INPP1: variants seen among roughly 807,000 people sequenced by gnomAD.
The protein encoded by INPP1 is inositol polyphosphate-1-phosphatase, also known as inositol polyphosphate 1-phosphatase.
INPP1 carries 18 observed loss-of-function variants against 23.0 expected under a neutral mutation model. The ratio of observed to expected loss-of-function variants is 0.78; its 90% CI spans 0.54 to 1.16. The LOEUF is 1.16. Among genes scored for constraint, INPP1 ranks in the 50% most tolerant of loss-of-function variants. The pLI, the probability that INPP1 is intolerant of heterozygous loss-of-function variation, is 0.00. For synonymous variants in INPP1, 164 were observed against 176.3 expected, an observed-to-expected ratio of 0.93 and a Z score of 0.55; for missense variants, 448 against 482.1, an observed-to-expected ratio of 0.93 and a Z score of 0.66.
Position 190,368,526 on chromosome 2 carries a change from G to C in INPP1, c.467-577G>C, listed in dbSNP as rs2006980. ...AATAGGTGTATATATTTATGGGGTA[G>C]ATGAGATGTTTTGACACAGGCACAC... On this transcript the variant is annotated intron_variant, in intron 5 of 6. Coordinates refer to ENST00000392329, the MANE Select transcript of INPP1 (RefSeq NM_001128928.2). The surrounding 1 kb of genome is among the most constrained non-coding windows in gnomAD (Gnocchi z 4.3). 97,401 of 151,992 alleles carry C rather than the reference G, an allele frequency of 0.64. 31,953 individuals carry two copies. Among genetic ancestry groups the C allele is most frequent in the East Asian group, 0.76 (3,938 of 5,184 alleles). 9.4% of individuals were successfully genotyped at this position (151,992 alleles called of 1,614,324 possible).
rs1485187466 is a variant in INPP1 at position 190,366,806 on chromosome 2, A to G, written c.377A>G (p.His126Arg). ...VASEALARVVHQDVAFTDPTL... is the reference protein window; with the variant it reads ...VASEALARVVRQDVAFTDPTL... ...TCTGAAGCATTAGCCAGGGTTGTTC[A>G]TCAGGATGTTGCCTTTACTGACCCA... is the stretch of plus-strand genomic sequence containing the variant. The change falls in exon 5 of 7, where the codon CAT becomes CGT. Residue 126 changes from histidine to arginine, a missense_variant. Transcript: ENST00000392329. 1 of 1,613,750 alleles carries G rather than the reference A, an allele frequency of 6.2e-7. No individual in the cohort carries two copies. The highest frequency in any genetic ancestry group is 1.6e-4 in the Middle Eastern group (1 of 6,084).
In INPP1 at chr2:190,345,999, A is replaced by C. The variant is rs900432341; in HGVS notation, c.-209+2038A>C. ...ACAAAGCAAGACTTCATCTCAAAAA[A>C]TAAAAATTAAGTTAAAATTAAAAAA... is the stretch of plus-strand genomic sequence containing the variant. On this transcript the variant is annotated intron_variant, in intron 1 of 6. Transcript: ENST00000392329. This position sits in a 1 kb window ranked among gnomAD's most constrained non-coding sequence, Gnocchi z 4.9. Among the ~76,000 whole-genome samples, 1 of 152,232 alleles carries C rather than the reference A, an allele frequency of 6.6e-6. No individual in the cohort carries two copies. The highest frequency in any genetic ancestry group is 1.5e-5 in the Non-Finnish European group (1 of 68,040).
Position 190,371,324 on chromosome 2 carries a change from A to T in INPP1, c.1122A>T (p.Ala374=). The T allele has an allele frequency of 6.3e-7, 1 of 1,588,832 alleles. No homozygotes were observed. Residue 374 remains alanine (A), a synonymous_variant, in exon 7 of 7, where the codon GCA becomes GCT. Coordinates refer to ENST00000392329, the MANE Select transcript of INPP1 (RefSeq NM_001128928.2). This position sits in a 1 kb window ranked among gnomAD's most constrained non-coding sequence, Gnocchi z 5.3. ...DRWANKGGLI[A]YRSRKRLETF... ...GGGCCAACAAGGGAGGACTCATTGCATACAGATCCAGGAAGCGGCTGGAGA... is the reference window on the plus strand; with the variant it reads ...GGGCCAACAAGGGAGGACTCATTGCTTACAGATCCAGGAAGCGGCTGGAGA...
chr2:190,371,057 T>G lies in INPP1; in HGVS notation c.855T>G (p.Phe285Leu), dbSNP rs754821915. 1 of 1,614,080 alleles carries G rather than the reference T, an allele frequency of 6.2e-7. No homozygotes were observed. Among genetic ancestry groups the G allele is most frequent in the Non-Finnish European group, 8.5e-7 (1 of 1,180,004 alleles). Residue 285 changes from phenylalanine to leucine, a missense_variant, in exon 7 of 7, where the codon TTT becomes TTG. Physicochemically the swap from Phe to Leu is conservative, Grantham distance 22. Transcript: ENST00000392329. This position sits in a 1 kb window ranked among gnomAD's most constrained non-coding sequence, Gnocchi z 5.3. The stretch of plus-strand genomic sequence containing the variant: ...CACGTGTGTGTGGAGATCGCATATT[T>G]GGGGCAGCTGGGGCTGGTTATAAGA... ...ALSRVCGDRI[F>L]GAAGAGYKSL... is the part of the protein sequence containing the mutation.
At chr2:190,370,201 A>G (rs1304535694) in intron 6 of INPP1, among the ~76,000 whole-genome samples, 1 of 152,246 alleles carries the variant, frequency 6.6e-6, no homozygotes. Flanking sequence ...GTGGGTTTGA[A>G]TGCAGATTCT....
At chr2:190,359,693 T>C (rs1373802552) in intron 2 of INPP1, 1 of 215,540 alleles carries the variant, frequency 4.6e-6, no homozygotes, top group Non-Finnish European at 9.5e-6. Context: ...ATATGATCAT[T>C]CTAAGGTCAT....
chr2:190,369,296 T>C lies in INPP1; in HGVS notation c.641+19T>C, dbSNP rs767710798. The C allele has an allele frequency of 4.7e-6, 7 of 1,482,400 alleles. No individual in the cohort carries two copies. In the Admixed American group the frequency reaches 1.3e-4, roughly 27 times the overall value. 91.8% of individuals were successfully genotyped at this position (1,482,400 alleles called of 1,614,324 possible). On this transcript the variant is annotated intron_variant, in intron 6 of 6. Transcript: ENST00000392329. ...CCCTCAGGTAAAAGGCAAATATTTT[T>C]GGTATATTATGGTTGTTAGAACTTA...
In INPP1 at chr2:190,346,296, A is replaced by G. The variant is rs967818151; in HGVS notation, c.-209+2335A>G. Among the ~76,000 whole-genome samples the G allele has an allele frequency of 1.2e-4, 18 of 152,326 alleles. No individual in the cohort carries two copies. Among genetic ancestry groups the G allele is most frequent in the African/African-American group, 4.1e-4 (17 of 41,584 alleles). ...TGGGAAATGCAGGTGGGAAATGACT[A>G]TTGTTGGAATGAATAGTTGATAAAA... On this transcript the variant is annotated intron_variant, in intron 1 of 6. Transcript: ENST00000392329. This position sits in a 1 kb window ranked among gnomAD's most constrained non-coding sequence, Gnocchi z 5.1.
chr2:190,352,006 T>C lies in INPP1; in HGVS notation c.-65+2975T>C, dbSNP rs1318110202. Among the ~76,000 whole-genome samples, 1 of 152,226 alleles carries C rather than the reference T, an allele frequency of 6.6e-6. No homozygotes were observed. The highest frequency in any genetic ancestry group is 1.5e-5 in the Non-Finnish European group (1 of 68,032). The stretch of plus-strand genomic sequence containing the variant: ...TATTTTAGCTATTCCATTGGATACA[T>C]AGTGGCACCCTGTTGAGATTTTAAG... On this transcript the variant is annotated intron_variant, in intron 2 of 6. Transcript: ENST00000392329. This position sits in a 1 kb window ranked among gnomAD's most constrained non-coding sequence, Gnocchi z 4.7.
Position 190,371,598 on chromosome 2 carries a change from G to T in INPP1, c.*196G>T. On this transcript the variant is annotated 3_prime_UTR_variant, in exon 7 of 7. Transcript: ENST00000392329. The surrounding 1 kb of genome is among the most constrained non-coding windows in gnomAD (Gnocchi z 5.3). ...TCATGCAGCAATTATATTGGTGTATGAAATTCTTACAGTGAATATTGTGCT... is the reference window on the plus strand; with the variant it reads ...TCATGCAGCAATTATATTGGTGTATTAAATTCTTACAGTGAATATTGTGCT... The T allele has an allele frequency of 2.2e-6, 1 of 452,086 alleles. No homozygotes were observed. 28.0% of individuals were successfully genotyped at this position (452,086 alleles called of 1,614,324 possible). A position where few individuals can be genotyped will look rare whatever the true frequency, so the allele number is the denominator to read the frequency against.
rs1421387273 is a variant in INPP1 at position 190,354,892 on chromosome 2, A to G, written c.-64-5147A>G. ...AAAGGGAAGTCAAATAGTGACGTAT[A>G]ATGATCAAACCTAGTGACAGATATC... is the stretch of plus-strand genomic sequence containing the variant. On this transcript the variant is annotated intron_variant, in intron 2 of 6. Transcript: ENST00000392329. The surrounding 1 kb of genome is among the most constrained non-coding windows in gnomAD (Gnocchi z 4.8). Among the ~76,000 whole-genome samples, 1 of 150,924 alleles carries G rather than the reference A, an allele frequency of 6.6e-6. No individual in the cohort carries two copies. The highest frequency in any genetic ancestry group is 1.9e-4 in the East Asian group (1 of 5,180).
At position 190,360,313 on chromosome 2, in the gene INPP1, A is replaced by G. The variant is rs1433220391; in HGVS notation, c.204+7A>G. The G allele has an allele frequency of 5.0e-6, 8 of 1,613,342 alleles. No homozygotes were observed. The highest frequency in any genetic ancestry group is 6.8e-6 in the Non-Finnish European group (8 of 1,179,578). ...ACAGAATATGGAGAACAAGGTAAGA[A>G]AGGTCATAGCCAAGGTAACTGCAAA... On this transcript the variant is annotated splice_region_variant and intron_variant, in intron 3 of 6. Transcript: ENST00000392329.
intron 6 of INPP1, among the ~76,000 whole-genome samples, chr2:190,370,402 A>G (rs1053973953): frequency 6.6e-6 from 1 of 152,262 alleles, no homozygotes; most frequent in Non-Finnish European, 1.5e-5. Flanking sequence ...ACGTGAAACT[A>G]GTGAATAAGA....
At chr2:190,358,529 T>G (rs1206873727) in intron 2 of INPP1, among the ~76,000 whole-genome samples, 1 of 152,222 alleles carries the variant, frequency 6.6e-6, no homozygotes, top group East Asian at 1.9e-4. Context: ...ATTAAGGGAA[T>G]TTCTTTTAAT....
intron 2 of INPP1, among the ~76,000 whole-genome samples, chr2:190,349,926 C>G (rs1347100745): frequency 6.6e-6 from 1 of 152,202 alleles, no homozygotes; most frequent in African/African-American, 2.4e-5. Flanking sequence ...TTCACTGCAA[C>G]CTCTGCCTCC....
In INPP1 at chr2:190,361,970, C is replaced by A. The variant is rs73048033; in HGVS notation, c.205-657C>A. On this transcript the variant is annotated intron_variant, in intron 3 of 6. Transcript: ENST00000392329. ...AAATTATCTTTATTACAGAGAGGAT[C>A]AGAAGCAAAATGCATCAGAAAGCTT... Among the ~76,000 whole-genome samples, 1,104 of 152,278 alleles carry A rather than the reference C, an allele frequency of 7.2e-3. 23 individuals are homozygous for A. Among genetic ancestry groups the A allele is most frequent in the African/African-American group, 0.026 (1,065 of 41,550 alleles).
At chr2:190,350,591 G>T (rs1185152715) in intron 2 of INPP1, among the ~76,000 whole-genome samples, 1 of 152,182 alleles carries the variant, frequency 6.6e-6, no homozygotes, top group Non-Finnish European at 1.5e-5. Flanking sequence ...GCTTCAGTGA[G>T]CAAAAATGTA....
Position 190,345,299 on chromosome 2 carries a change from T to C in INPP1, c.-209+1338T>C, listed in dbSNP as rs934027975. ...GCTTGGAAATTGCAGCTTTGACTAA[T>C]GCCCTTTAAAATGATATACCTTATT... On this transcript the variant is annotated intron_variant, in intron 1 of 6. Transcript: ENST00000392329. The surrounding 1 kb of genome is among the most constrained non-coding windows in gnomAD (Gnocchi z 4.9). Among the ~76,000 whole-genome samples, 2 of 152,230 alleles carry C rather than the reference T, an allele frequency of 1.3e-5. No homozygotes were observed. Among genetic ancestry groups the C allele is most frequent in the African/African-American group, 4.8e-5 (2 of 41,456 alleles).
rs150633628 is a variant in INPP1, at chr2:190,352,081, T to C, written c.-65+3050T>C. 4.1e-3 allele frequency among the ~76,000 whole-genome samples: 628 copies of C among 152,350 alleles called. 8 individuals carry two copies. Among genetic ancestry groups the C allele is most frequent in the African/African-American group, 0.014 (582 of 41,574 alleles). ...GGTAGACTGTGTTTCTGTATGTTTA[T>C]TGGCCATTTGGATATCCTCCTGTAT... is the stretch of plus-strand genomic sequence containing the variant. On this transcript the variant is annotated intron_variant, in intron 2 of 6. Transcript: ENST00000392329. The surrounding 1 kb of genome is among the most constrained non-coding windows in gnomAD (Gnocchi z 4.7).
Sources: gnomAD v4.1 joint callset for allele counts (sites outside exome capture counted in the v4.1 genomes callset) on GRCh38, gnomAD v4.1.1 for gene constraint, Gnocchi (gnomAD v3.1) non-coding constraint, MANE v1.5 for transcripts, NCBI Gene and HGNC (gene_info 2026-07-23, HGNC 2026-07-21) for gene names.